FDFT1: variants seen among roughly 807,000 people sequenced by gnomAD.
FDFT1 encodes squalene synthase.
Under a neutral mutation model 46.8 loss-of-function variants are expected in FDFT1, and 68 were observed. The observed-to-expected ratio is 1.45, with a 90% CI of 1.19 to 1.78. The LOEUF (loss-of-function observed/expected upper bound fraction) is 1.78, where lower values mean the gene tolerates loss of function less well. FDFT1 is among the 40% of genes most tolerant of loss of function. The pLI is 0.00. For synonymous variants in FDFT1, 351 were observed against 185.1 expected (o/e 1.90, Z -7.28); for missense variants, 928 against 524.4 (o/e 1.77, Z -7.52).
At chr8:11,826,321 C>T in intron 5 of FDFT1, 106 bp downstream of exon 5, 1 of 790,566 alleles carries the variant, frequency 1.3e-6, no homozygotes, top group African/African-American at 1.7e-5. Context: ...AGGCCTCCCC[C>T]AGGCAGCATA....
At chr8:11,804,716 C>G (rs1309883418) in intron 1 of FDFT1, among the ~76,000 whole-genome samples, 1 of 148,190 alleles carries the variant, frequency 6.7e-6, no homozygotes, top group East Asian at 2.1e-4. Flanking sequence ...AAGCAATTCT[C>G]CTGCCTCAGC....
At chr8:11,805,463 A>G (rs773551397) in intron 1 of FDFT1, among the ~76,000 whole-genome samples, 4 of 152,212 alleles carry the variant, frequency 2.6e-5, no homozygotes, top group Non-Finnish European at 2.9e-5. Flanking sequence ...CTCCTGTCCA[A>G]TCTAAATCCT....
At chr8:11,808,510 C>T (rs1380221854) in intron 1 of FDFT1, 5 of 1,329,550 alleles carry the variant, frequency 3.8e-6, no homozygotes, top group Admixed American at 3.8e-5. Context: ...GCGGGGTCCG[C>T]GATTCCCATG....
chr8:11,803,281 A>G (rs1288397239), intron 1 of FDFT1: 5 of 1,324,886 alleles, frequency 3.8e-6, no homozygotes, highest in Non-Finnish European at 4.9e-6. Context: ...TACGCGGGAG[A>G]GGACGAGTGA....
At chr8:11,835,074 A>G (rs1015405294) in intron 7 of FDFT1, among the ~76,000 whole-genome samples, 2 of 152,190 alleles carry the variant, frequency 1.3e-5, no homozygotes, top group Non-Finnish European at 2.9e-5. Context: ...TAGTGAGCTG[A>G]GATGGCACCA....
At chr8:11,833,356 C>G (rs1271491962) in intron 7 of FDFT1, among the ~76,000 whole-genome samples, 1 of 152,166 alleles carries the variant, frequency 6.6e-6, no homozygotes, top group Non-Finnish European at 1.5e-5. Flanking sequence ...ATGTTAACCC[C>G]AATTCTAAGG....
chr8:11,820,155 G>A (rs186381428), intron 3 of FDFT1, among the ~76,000 whole-genome samples: 99 of 152,304 alleles, frequency 6.5e-4, no homozygotes, highest in African/African-American at 2.3e-3. Flanking sequence ...CTGTTTACCT[G>A]GGTATCACCA....
At chr8:11,811,760 C>G (rs1006785060) in intron 3 of FDFT1, among the ~76,000 whole-genome samples, 1 of 152,222 alleles carries the variant, frequency 6.6e-6, no homozygotes, top group Non-Finnish European at 1.5e-5. Context: ...CCAGGCACGG[C>G]TGTTTTCACT....
chr8:11,832,048 G>A (rs369835735), intron 7 of FDFT1, among the ~76,000 whole-genome samples: 1 of 152,146 alleles, frequency 6.6e-6, no homozygotes, highest in South Asian at 2.1e-4. Flanking sequence ...TCTGGCTCCC[G>A]TCCATGTGTC....
At chr8:11,807,514 T>G (rs7843716) in intron 1 of FDFT1, among the ~76,000 whole-genome samples, 26,752 of 149,214 alleles carry the variant, frequency 0.18, 2,795 homozygotes, top group African/African-American at 0.31. Context: ...TGTAAGACTG[T>G]GGGGTGAGGG....
intron 7 of FDFT1, among the ~76,000 whole-genome samples, chr8:11,833,728 GC>G (rs1811178148): frequency 6.6e-6 from 1 of 152,188 alleles, no homozygotes; most frequent in South Asian, 2.1e-4. Context: ...CAATGTGACG[GC>G]CGAGTTGAGG....
chr8:11,817,245 T>C, intron 3 of FDFT1, among the ~76,000 whole-genome samples: 1 of 152,350 alleles, frequency 6.6e-6, no homozygotes, highest in East Asian at 1.9e-4. Flanking sequence ...GATAAGCTTT[T>C]TGATGTGCTG....
In FDFT1 at chr8:11,808,855, T is replaced by A; in HGVS notation, c.161T>A (p.Phe54Tyr). 6.2e-7 allele frequency: 1 copy of A among 1,614,112 alleles called. No homozygotes were observed. Among genetic ancestry groups the A allele is most frequent in the Non-Finnish European group, 8.5e-7 (1 of 1,179,998 alleles). ...TATCTCAATCAGACCAGTCGCAGTT[T>A]CGCAGCTGTTATCCAGGCGCTGGAT... is the stretch of plus-strand genomic sequence containing the variant. ...YKYLNQTSRS[F>Y]AAVIQALDGE... is the part of the protein sequence containing the mutation. Residue 54 changes from phenylalanine to tyrosine, a missense_variant, in exon 2 of 8, where the codon TTC becomes TAC. Transcript: ENST00000220584.
At chr8:11,808,337 G>T in intron 1 of FDFT1, 7 of 1,234,380 alleles carry the variant, frequency 5.7e-6, no homozygotes, top group Non-Finnish European at 5.0e-6. Context: ...GCAACAGCGG[G>T]AGGAGGCGCC....
Position 11,821,834 on chromosome 8 carries a change from G to C in FDFT1, c.466G>C (p.Glu156Gln), listed in dbSNP as rs1294729495. ...ICRRMGIGMA[E>Q]FLDKHVTSEQ... ...CCGGAGAATGGGCATTGGGATGGCA[G>C]AGTTTTTGGATAAGCATGTGACCTC... The change falls in exon 4 of 8, where the codon GAG (glutamate) becomes CAG (glutamine). Residue 156 changes from glutamate to glutamine, a missense_variant. Physicochemically the swap from Glu to Gln is conservative, Grantham distance 29 (BLOSUM62 2). Coordinates refer to ENST00000220584, the MANE Select transcript of FDFT1 (RefSeq NM_004462.5). 1.2e-6 allele frequency: 2 copies of C among 1,613,708 alleles called. No individual in the cohort carries two copies. The highest frequency in any genetic ancestry group is 1.7e-6 in the Non-Finnish European group (2 of 1,179,662).
intron 7 of FDFT1, among the ~76,000 whole-genome samples, chr8:11,833,798 G>A (rs1253331640): frequency 6.6e-6 from 1 of 152,188 alleles, no homozygotes; most frequent in Non-Finnish European, 1.5e-5. Context: ...TGAATAAGAG[G>A]TTTGCTGACT....
chr8:11,799,044 A>G (rs1431584541), upstream of FDFT1, among the ~76,000 whole-genome samples: 1 of 152,256 alleles, frequency 6.6e-6, no homozygotes, highest in Non-Finnish European at 1.5e-5. Context: ...AGCTACGAAT[A>G]TTTATGATGG....
At chr8:11,803,619 C>A in intron 1 of FDFT1, 1 of 534,148 alleles carries the variant, frequency 1.9e-6, no homozygotes, top group Non-Finnish European at 2.7e-6. Flanking sequence ...GAAAATTATT[C>A]GTACGCGATT....
chr8:11,815,132 C>G (rs185045250), intron 3 of FDFT1, among the ~76,000 whole-genome samples: 2 of 152,058 alleles, frequency 1.3e-5, no homozygotes, highest in African/African-American at 4.8e-5. Flanking sequence ...GGTTTTCTGT[C>G]GTTGTGATAC....
Sources: gnomAD v4.1 joint callset for allele counts (sites outside exome capture counted in the v4.1 genomes callset) on GRCh38, gnomAD v4.1.1 for gene constraint, MANE v1.5 for transcripts, NCBI Gene and HGNC (gene_info 2026-07-23, HGNC 2026-07-21) for gene names.